Variants in DNAH7 observed in about 807,000 individuals in gnomAD.
DNAH7 encodes the protein dynein axonemal heavy chain 7.
Under a neutral mutation model 444.6 loss-of-function variants are expected in DNAH7, and 397 were observed. That is an observed-to-expected ratio of 0.89 (90% confidence interval 0.82 to 0.97). DNAH7 has a LOEUF of 0.97. Among genes scored for constraint, DNAH7 ranks in the 50% least tolerant of loss-of-function variants. The probability of loss-of-function intolerance (pLI) is 0.00; values close to 1 mark genes in which losing one functional copy is unlikely to be tolerated. For missense variants in DNAH7, 4,902 were observed against 4,800.8 expected (o/e 1.02, Z -0.62); for synonymous variants, 1,636 against 1,624.4 (o/e 1.01, Z -0.17).
intron 5 of DNAH7, among the ~76,000 whole-genome samples, chr2:196,046,132 T>C (rs1367556061): frequency 6.6e-6 from 1 of 151,694 alleles, no homozygotes; most frequent in Non-Finnish European, 1.5e-5. Context: ...TCCTTTTAAA[T>C]GTATAGCTGA....
chr2:195,988,224 A>C lies in DNAH7; in HGVS notation c.1359T>G (p.Ser453Arg). 6.3e-7 allele frequency: 1 copy of C among 1,593,130 alleles called. No individual in the cohort carries two copies. The highest frequency in any genetic ancestry group is 8.5e-7 in the Non-Finnish European group (1 of 1,173,274). ...GCTTCAAGGTTGTTGGTTTAGACTT[A>C]CTTTCCTAAACAAGGGGGTAAAAAT... ...VETKLYSKWE[S>R]KSKPTTLKPI... The change falls in exon 13 of 65, where the codon AGT (serine) becomes AGG (arginine). Residue 453 changes from serine (S) to arginine (R), a missense_variant. Transcript: ENST00000312428.
At chr2:195,928,344 A>T (rs1028572540) in intron 21 of DNAH7, among the ~76,000 whole-genome samples, 1 of 152,178 alleles carries the variant, frequency 6.6e-6, no homozygotes, top group African/African-American at 2.4e-5. Flanking sequence ...TTCTCCAAGT[A>T]CTTTGACAAT....
intron 55 of DNAH7, 93 bp downstream of exon 55, chr2:195,799,203 A>G: frequency 8.7e-7 from 1 of 1,153,482 alleles, no homozygotes; most frequent in South Asian, 2.9e-5. Context: ...TGAATGACAA[A>G]TTTCTACCTT....
chr2:195,989,101 A>T (rs1693122196), intron 12 of DNAH7, among the ~76,000 whole-genome samples: 1 of 152,298 alleles, frequency 6.6e-6, no homozygotes, highest in African/African-American at 2.4e-5. Context: ...TGGACACTTA[A>T]GTCAATTCCA....
rs370835528 is a variant in DNAH7 at position 195,969,965 on chromosome 2, C to A, written c.2188G>T (p.Asp730Tyr). 101 of 1,605,830 alleles carry A rather than the reference C, an allele frequency of 6.3e-5. No homozygotes were observed. Among genetic ancestry groups the A allele is most frequent in the Non-Finnish European group, 8.6e-5 (101 of 1,178,016 alleles). The part of the protein sequence containing the change: ...KKAQILNGKL[D>Y]LAADKIEQFN... The stretch of plus-strand genomic sequence containing the variant: ...AATTATACCTTATCTGCAGCTAAAT[C>A]CAACTTTCCATTCAGTATTTGAGCC... Residue 730 changes from aspartate to tyrosine, a missense_variant, in exon 17 of 65, where the codon GAT (aspartate) becomes TAT (tyrosine). Physicochemically the swap from Asp to Tyr is radical, Grantham distance 160. Transcript: ENST00000312428.
At chr2:196,040,306 GA>G (rs1696659055) in intron 5 of DNAH7, among the ~76,000 whole-genome samples, 1 of 151,906 alleles carries the variant, frequency 6.6e-6, no homozygotes, top group African/African-American at 2.4e-5. Context: ...GAGGAACATA[GA>G]CACAAAAATC....
Position 196,058,054 on chromosome 2 carries a change from C to T in DNAH7, c.78G>A (p.Met26Ile). 6.5e-7 allele frequency: 1 copy of T among 1,542,960 alleles called. No homozygotes were observed. The highest frequency in any genetic ancestry group is 8.8e-7 in the Non-Finnish European group (1 of 1,142,280). The change falls in exon 2 of 65, where the codon ATG (methionine) becomes ATA (isoleucine). Residue 26 changes from methionine (M) to isoleucine (I), a missense_variant and splice_region_variant. By Grantham distance (10) the Met-to-Ile change is conservative. Transcript: ENST00000312428. ...KPVRFLPQLS[M>I]EKLASKEKFK... ...GTATGATGGTATATTGGTAAATTACCATAGACAGCTGTGGTAGAAATCTTA... is the reference window on the plus strand; with the variant it reads ...GTATGATGGTATATTGGTAAATTACTATAGACAGCTGTGGTAGAAATCTTA...
intron 23 of DNAH7, 59 bp downstream of exon 23, chr2:195,923,536 A>G: frequency 6.5e-7 from 1 of 1,547,520 alleles, no homozygotes; most frequent in Non-Finnish European, 8.9e-7. Flanking sequence ...AAGCAAGCAC[A>G]AATTTAAAAC....
intron 42 of DNAH7, among the ~76,000 whole-genome samples, chr2:195,860,539 C>A (rs561472695): frequency 6.6e-6 from 1 of 151,836 alleles, no homozygotes; most frequent in Admixed American, 6.6e-5. Flanking sequence ...GGTTGTAGAC[C>A]ACAGTGACTA....
At chr2:195,886,068 A>T (rs965346224) in intron 34 of DNAH7, 73 bp downstream of exon 34, 1 of 1,475,812 alleles carries the variant, frequency 6.8e-7, no homozygotes, top group African/African-American at 1.4e-5. Flanking sequence ...GAGTTTCACA[A>T]ATTAGGAAGC....
At chr2:195,839,595 C>G (rs1169849437) in intron 47 of DNAH7, among the ~76,000 whole-genome samples, 4 of 151,416 alleles carry the variant, frequency 2.6e-5, no homozygotes, top group Admixed American at 2.0e-4. Flanking sequence ...TATATAGGAT[C>G]AACAAAATTT....
chr2:195,753,403 C>T (rs935612515), intron 63 of DNAH7, among the ~76,000 whole-genome samples: 1 of 152,126 alleles, frequency 6.6e-6, no homozygotes, highest in Non-Finnish European at 1.5e-5. Context: ...CTTCTTGGCA[C>T]AGTAATGCGA....
intron 48 of DNAH7, among the ~76,000 whole-genome samples, chr2:195,833,101 CTAAT>C (rs1698152354): frequency 6.6e-6 from 1 of 152,160 alleles, no homozygotes; most frequent in African/African-American, 2.4e-5. Context: ...TAACCACTTT[CTAAT>C]TTTATTACAG....
In DNAH7 at chr2:195,777,827, G is replaced by GCCA. The variant is rs1559088641; in HGVS notation, c.11034_11036dup (p.Gly3679dup). 6.2e-7 allele frequency: 1 copy of GCCA among 1,613,264 alleles called. No individual in the cohort carries two copies. The highest frequency in any genetic ancestry group is 1.3e-5 in the African/African-American group (1 of 75,028). ...CACCAGAAGGAGGAACAAAATAGAT[G>GCCA]CCACTTGAGTCGAACTTATAGTCTG... On this transcript the variant is annotated inframe_insertion, in exon 59 of 65. Transcript: ENST00000312428.
chr2:195,840,613 C>A (rs922950612), intron 47 of DNAH7, among the ~76,000 whole-genome samples: 1 of 151,770 alleles, frequency 6.6e-6, no homozygotes, highest in African/African-American at 2.4e-5. Context: ...TCCAATATAT[C>A]TACATAAAAG....
rs1574450880 is a variant in DNAH7 at position 195,796,518 on chromosome 2, T to G, written c.10515+58A>C. 4.8e-5 allele frequency: 76 copies of G among 1,582,778 alleles called. 2 individuals carry two copies. In the South Asian group the frequency reaches 8.4e-4, roughly 17 times the overall value. On this transcript the variant is annotated intron_variant, in intron 56 of 64. Coordinates refer to ENST00000312428, the MANE Select transcript of DNAH7 (RefSeq NM_018897.3). ...GGAATGGAGCTACCCGAATGTTATG[T>G]ATATTACTAATTAGATCCAGGGAAT... is the stretch of plus-strand genomic sequence containing the variant.
At chr2:195,862,571 C>T (rs183673422) in intron 41 of DNAH7, among the ~76,000 whole-genome samples, 26 of 152,260 alleles carry the variant, frequency 1.7e-4, no homozygotes, top group Admixed American at 1.5e-3. Context: ...TGACCCTTCC[C>T]ACATTTCTGA....
At chr2:195,760,415 C>T (rs923079146) in intron 61 of DNAH7, among the ~76,000 whole-genome samples, 4 of 152,130 alleles carry the variant, frequency 2.6e-5, no homozygotes, top group African/African-American at 9.7e-5. Context: ...AGCCCCAGGG[C>T]CTTGAGCAAA....
intron 12 of DNAH7, chr2:195,995,176 C>T: frequency 3.1e-6 from 1 of 327,640 alleles, no homozygotes; most frequent in Non-Finnish European, 5.9e-6. Context: ...GACCTGCCCA[C>T]CTTGGCCTCC....
Sources: gnomAD v4.1 joint callset for allele counts (sites outside exome capture counted in the v4.1 genomes callset) on GRCh38, gnomAD v4.1.1 for gene constraint, MANE v1.5 for transcripts, NCBI Gene and HGNC (gene_info 2026-07-23, HGNC 2026-07-21) for gene names.